Variants in MAGEE1 observed in about 807,000 individuals in gnomAD.
MAGEE1 encodes the protein MAGE family member E1.
MAGEE1 carries 3 observed loss-of-function variants against 12.0 expected under a neutral mutation model. That is an observed-to-expected ratio of 0.25 (90% CI 0.11 to 0.65). The LOEUF (loss-of-function observed/expected upper bound fraction) is 0.65. Ranked by LOEUF, MAGEE1 falls within the 30% of genes least tolerant of loss-of-function variation. MAGEE1 has a pLI of 0.84. For synonymous variants in MAGEE1, 414 were observed against 326.1 expected, an observed-to-expected ratio of 1.27 and a Z score of -2.91; for missense variants, 729 against 772.2, an observed-to-expected ratio of 0.94 and a Z score of 0.66.
rs781947690 is a variant in MAGEE1 at position 76,427,883 on chromosome X, G to A, written c.-48G>A. The stretch of plus-strand genomic sequence containing the variant: ...CCTCCCGTCCTCTCTGCCAGATCGC[G>A]GGCCTGTCGGTGTCTGCTCCTACAC... On this transcript the variant is annotated 5_prime_UTR_variant, in exon 1 of 1. Transcript: ENST00000361470. The A allele has an allele frequency of 2.6e-6, 3 of 1,142,357 alleles. No homozygotes were observed. The highest frequency in any genetic ancestry group is 5.3e-5 in the Admixed American group (2 of 37,659). 94.1% of individuals were successfully genotyped at this position (1,142,357 alleles called of 1,213,427 possible).
In MAGEE1 at chrX:76,428,095, C is replaced by T; in HGVS notation, c.165C>T (p.Leu55=). Residue 55 remains leucine (L), a synonymous_variant, in exon 1 of 1, where the codon CTC becomes CTT. Transcript: ENST00000361470. ...AGGGTCCCAGCGATTCCCAGATCCT[C>T]CAGGGCCTCTGCGCCTCTGAGGGCC... The part of the protein sequence containing the change: ...VPQGPSDSQI[L]QGLCASEGPS... 5.9e-6 allele frequency: 7 copies of T among 1,183,502 alleles called. No individual in the cohort carries two copies. The highest frequency in any genetic ancestry group is 7.9e-6 in the Non-Finnish European group (7 of 881,247).
In MAGEE1 at chrX:76,428,585, G is replaced by A. The variant is rs1266314485; in HGVS notation, c.655G>A (p.Gly219Ser). Residue 219 changes from glycine (G) to serine (S), a missense_variant, in exon 1 of 1, where the codon GGC becomes AGC. By Grantham distance (56) the Gly-to-Ser change is moderately conservative. Around this residue, in one of 4 missense-constraint regions of MAGEE1, gnomAD observed 473 missense variants for 423.7 expected, o/e 1.12. Transcript: ENST00000361470. ...GTSVPLAATE[G>S]LSTSVQATPD... Reference sequence around the variant, plus strand: ...CTCCGTGCCGCTCGCCGCCACTGAGGGCCTGAGCACCTCCGTGCAGGCCAC... The same window carrying A: ...CTCCGTGCCGCTCGCCGCCACTGAGAGCCTGAGCACCTCCGTGCAGGCCAC... 8.3e-7 allele frequency: 1 copy of A among 1,209,320 alleles called. No homozygotes were observed. The highest frequency in any genetic ancestry group is 1.7e-5 in the African/African-American group (1 of 57,494).
In MAGEE1 at chrX:76,428,033, G is replaced by C; in HGVS notation, c.103G>C (p.Gly35Arg). ...CGAAATGCAGGCCCCTAATGCCCCCGGTCTCCCCGCTGATGTGCCAGGCTC... is the reference window on the plus strand; with the variant it reads ...CGAAATGCAGGCCCCTAATGCCCCCCGTCTCCCCGCTGATGTGCCAGGCTC... ...WGEMQAPNAPGLPADVPGSDV... is the reference protein window; with the variant it reads ...WGEMQAPNAPRLPADVPGSDV... Residue 35 changes from glycine (G) to arginine (R), a missense_variant, in exon 1 of 1, where the codon GGT becomes CGT. Around this residue, in one of 4 missense-constraint regions of MAGEE1, gnomAD observed 473 missense variants for 423.7 expected, o/e 1.12. Transcript: ENST00000361470. 2 of 1,188,064 alleles carry C rather than the reference G, an allele frequency of 1.7e-6. No homozygotes were observed. Among genetic ancestry groups the C allele is most frequent in the Non-Finnish European group, 2.3e-6 (2 of 883,593 alleles).
At position 76,429,971 on chromosome X, in the gene MAGEE1, A is replaced by C. The variant is rs782249386; in HGVS notation, c.2041A>C (p.Met681Leu). 10 of 1,210,965 alleles carry C rather than the reference A, an allele frequency of 8.3e-6. No individual in the cohort carries two copies. Among genetic ancestry groups the C allele is most frequent in the Non-Finnish European group, 1.0e-5 (9 of 895,231 alleles). Residue 681 changes from methionine to leucine, a missense_variant, in exon 1 of 1, where the codon ATG becomes CTG. Met to Leu is a conservative substitution (Grantham distance 15, BLOSUM62 2). Coordinates refer to ENST00000361470, the MANE Select transcript of MAGEE1 (RefSeq NM_020932.3). ...GGCGAAAATATATAACAAAGATCCT[A>C]TGGATTGGCCAGAGAAATACAACGA... ...FMAKIYNKDP[M>L]DWPEKYNEAL...
At position 76,429,067 on chromosome X, in the gene MAGEE1, C is replaced by G. The variant is rs782440229; in HGVS notation, c.1137C>G (p.Ser379=). 8.3e-7 allele frequency: 1 copy of G among 1,211,898 alleles called. No individual in the cohort carries two copies. Among genetic ancestry groups the G allele is most frequent in the Admixed American group, 2.2e-5 (1 of 46,142 alleles). ...CCGCCTCTGATGGATCGGACACCTC[C>G]GTGCCGCCCACTCCTGGTGAGGGCG... is the stretch of plus-strand genomic sequence containing the variant. The part of the protein sequence containing the change: ...PPTASDGSDT[S]VPPTPGEGAS... The change falls in exon 1 of 1, where the codon TCC becomes TCG. Residue 379 remains serine, a synonymous_variant. Coordinates refer to ENST00000361470, the MANE Select transcript of MAGEE1 (RefSeq NM_020932.3).
In MAGEE1 at chrX:76,429,980, C is replaced by A; in HGVS notation, c.2050C>A (p.Pro684Thr). 8.3e-7 allele frequency: 1 copy of A among 1,210,445 alleles called. No individual in the cohort carries two copies. Among genetic ancestry groups the A allele is most frequent in the Non-Finnish European group, 1.1e-6 (1 of 894,967 alleles). The change falls in exon 1 of 1, where the codon CCA becomes ACA. Residue 684 changes from proline to threonine, a missense_variant. Physicochemically the swap from Pro to Thr is conservative, Grantham distance 38. Around this residue, in one of 4 missense-constraint regions of MAGEE1, gnomAD observed 64 missense variants for 53.4 expected, o/e 1.20. Transcript: ENST00000361470. ...KIYNKDPMDW[P>T]EKYNEALEED... The stretch of plus-strand genomic sequence containing the variant: ...ATATAACAAAGATCCTATGGATTGG[C>A]CAGAGAAATACAACGAAGCTCTGGA...
chrX:76,430,483 T>C lies in MAGEE1; in HGVS notation c.2553T>C (p.His851=), dbSNP rs782365471. 10 of 1,206,871 alleles carry C rather than the reference T, an allele frequency of 8.3e-6. No individual in the cohort carries two copies. Among genetic ancestry groups the C allele is most frequent in the African/African-American group, 1.7e-5 (1 of 57,157 alleles). The change falls in exon 1 of 1, where the codon CAT becomes CAC. Residue 851 remains histidine (H), a synonymous_variant. Coordinates refer to ENST00000361470, the MANE Select transcript of MAGEE1 (RefSeq NM_020932.3). ...GCTTCATCTTTATTATGGGCAACCA[T>C]GCCAGGGAGTCTGCAGTCTGGGCCT... ...VLSFIFIMGN[H]ARESAVWAFL...
In MAGEE1 at chrX:76,429,187, T is replaced by G. The variant is rs782390248; in HGVS notation, c.1257T>G (p.Ser419Arg). The part of the protein sequence containing the change: ...GEGPSTLFSS[S>R]ASVDRNPSKC... Reference sequence around the variant, plus strand: ...GCCCGAGCACATTGTTTAGCTCTAGTGCTTCTGTGGACCGGAACCCCTCCA... The same window carrying G: ...GCCCGAGCACATTGTTTAGCTCTAGGGCTTCTGTGGACCGGAACCCCTCCA... Residue 419 changes from serine (S) to arginine (R), a missense_variant, in exon 1 of 1, where the codon AGT (serine) becomes AGG (arginine). Transcript: ENST00000361470. The G allele has an allele frequency of 4.8e-5, 58 of 1,211,076 alleles. No individual in the cohort carries two copies. In the Admixed American group the frequency reaches 1.3e-3, roughly 26 times the overall value.
In MAGEE1 at chrX:76,429,649, A is replaced by G; in HGVS notation, c.1719A>G (p.Glu573=). The change falls in exon 1 of 1, where the codon GAA becomes GAG. Residue 573 remains glutamate, a synonymous_variant. Transcript: ENST00000361470. ...KLGPVPFEGL[E]ESPNGPKMGL... is the part of the protein sequence containing the mutation. ...GACCTGTGCCCTTTGAAGGGTTAGA[A>G]GAGAGCCCAAATGGGCCAAAGATGG... 8.3e-7 allele frequency: 1 copy of G among 1,210,468 alleles called. No individual in the cohort carries two copies. Among genetic ancestry groups the G allele is most frequent in the Non-Finnish European group, 1.1e-6 (1 of 894,943 alleles).
Position 76,429,578 on chromosome X carries a change from G to A in MAGEE1, c.1648G>A (p.Glu550Lys). ...GTGCATTTTTAGGTTTGAATTGAGAGAACTTGACCCTGAGGCACACACCTA... is the reference window on the plus strand; with the variant it reads ...GTGCATTTTTAGGTTTGAATTGAGAAAACTTGACCCTGAGGCACACACCTA... ...LECIFRFELR[E>K]LDPEAHTYIL... Residue 550 changes from glutamate (E) to lysine (K), a missense_variant, in exon 1 of 1, where the codon GAA (glutamate) becomes AAA (lysine). Coordinates refer to ENST00000361470, the MANE Select transcript of MAGEE1 (RefSeq NM_020932.3). 1 of 1,211,436 alleles carries A rather than the reference G, an allele frequency of 8.3e-7. No individual in the cohort carries two copies. Among genetic ancestry groups the A allele is most frequent in the Non-Finnish European group, 1.1e-6 (1 of 895,413 alleles).
rs782444754 is a variant in MAGEE1 at position 76,429,256 on chromosome X, C to T, written c.1326C>T (p.Ser442=). 2 of 1,211,633 alleles carry T rather than the reference C, an allele frequency of 1.7e-6. No individual in the cohort carries two copies. Among genetic ancestry groups the T allele is most frequent in the South Asian group, 1.8e-5 (1 of 56,883 alleles). ...VLPSPRVTKA[S]VDSDSEGPKG... ...CAAGCCCTAGGGTAACCAAGGCCTCCGTGGACTCAGATTCTGAGGGTCCTA... is the reference window on the plus strand; with the variant it reads ...CAAGCCCTAGGGTAACCAAGGCCTCTGTGGACTCAGATTCTGAGGGTCCTA... The change falls in exon 1 of 1, where the codon TCC becomes TCT. Residue 442 remains serine, a synonymous_variant. Transcript: ENST00000361470.
Position 76,430,087 on chromosome X carries a change from A to G in MAGEE1, c.2157A>G (p.Ala719=). The G allele has an allele frequency of 8.3e-7, 1 of 1,211,636 alleles. No individual in the cohort carries two copies. Among genetic ancestry groups the G allele is most frequent in the Non-Finnish European group, 1.1e-6 (1 of 895,401 alleles). Residue 719 remains alanine (A), a synonymous_variant, in exon 1 of 1, where the codon GCA becomes GCG. Coordinates refer to ENST00000361470, the MANE Select transcript of MAGEE1 (RefSeq NM_020932.3). The part of the protein sequence containing the change: ...FRRPFFEEAA[A]EVPSPDSEVS... ...GGCCCTTTTTTGAGGAAGCTGCTGCAGAGGTACCATCCCCTGATTCAGAGG... is the reference window on the plus strand; with the variant it reads ...GGCCCTTTTTTGAGGAAGCTGCTGCGGAGGTACCATCCCCTGATTCAGAGG...
chrX:76,430,696 C>T lies in MAGEE1; in HGVS notation c.2766C>T (p.His922=). ...CCTTGCGATATGTGGCCAGAATCCA[C>T]AGAAAGGAACCACAGGACTGGCCAC... ...MKALRYVARI[H]RKEPQDWPQQ... The change falls in exon 1 of 1, where the codon CAC becomes CAT. Residue 922 remains histidine, a synonymous_variant. Coordinates refer to ENST00000361470, the MANE Select transcript of MAGEE1 (RefSeq NM_020932.3). The T allele has an allele frequency of 8.3e-7, 1 of 1,211,319 alleles. No homozygotes were observed. The highest frequency in any genetic ancestry group is 1.1e-6 in the Non-Finnish European group (1 of 895,402).
chrX:76,430,766 G>T lies in MAGEE1; in HGVS notation c.2836G>T (p.Val946Phe). Reference sequence around the variant, plus strand: ...GGAAGATGAGGCCAATAGAGCTGATGTTGGGCACAGGCAAATCTTTGTTCA... The same window carrying T: ...GGAAGATGAGGCCAATAGAGCTGATTTTGGGCACAGGCAAATCTTTGTTCA... ...AMEDEANRAD[V>F]GHRQIFVHNF... Residue 946 changes from valine (V) to phenylalanine (F), a missense_variant, in exon 1 of 1, where the codon GTT becomes TTT. Val to Phe is a conservative substitution (Grantham distance 50). This residue lies in a region of MAGEE1 where 101 missense variants were observed against 161.3 expected (regional missense o/e 0.63). Coordinates refer to ENST00000361470, the MANE Select transcript of MAGEE1 (RefSeq NM_020932.3). 8.4e-7 allele frequency: 1 copy of T among 1,197,555 alleles called. No individual in the cohort carries two copies. The highest frequency in any genetic ancestry group is 1.1e-6 in the Non-Finnish European group (1 of 887,006).
rs782127481 is a variant in MAGEE1 at position 76,428,814 on chromosome X, C to T, written c.884C>T (p.Ser295Phe). 8 of 1,209,834 alleles carry T rather than the reference C, an allele frequency of 6.6e-6. No individual in the cohort carries two copies. The South Asian group carries it at 1.4e-4, about 21-fold the overall frequency. The part of the protein sequence containing the change: ...VPTRGKGSST[S>F]VPPTATEGLS... ...ACCCGCGGTAAGGGATCAAGCACCTCCGTGCCCCCCACCGCCACCGAGGGC... is the reference window on the plus strand; with the variant it reads ...ACCCGCGGTAAGGGATCAAGCACCTTCGTGCCCCCCACCGCCACCGAGGGC... The change falls in exon 1 of 1, where the codon TCC (serine) becomes TTC (phenylalanine). Residue 295 changes from serine to phenylalanine, a missense_variant. Coordinates refer to ENST00000361470, the MANE Select transcript of MAGEE1 (RefSeq NM_020932.3).
In MAGEE1 at chrX:76,429,446, G is replaced by T. The variant is rs1248028292; in HGVS notation, c.1516G>T (p.Asp506Tyr). Residue 506 changes from aspartate (D) to tyrosine (Y), a missense_variant, in exon 1 of 1, where the codon GAT (aspartate) becomes TAT (tyrosine). Around this residue, in one of 4 missense-constraint regions of MAGEE1, gnomAD observed 91 missense variants for 133.8 expected, o/e 0.68. Transcript: ENST00000361470. ...GCTGTTGCAGTTCCTGCTGGTGAAG[G>T]ATCAGAGCAAGTACCCTATCCGGGA... is the stretch of plus-strand genomic sequence containing the variant. ...AELLQFLLVK[D>Y]QSKYPIRESE... 1 of 1,210,082 alleles carries T rather than the reference G, an allele frequency of 8.3e-7. No homozygotes were observed. Among genetic ancestry groups the T allele is most frequent in the Non-Finnish European group, 1.1e-6 (1 of 895,346 alleles).
Position 76,429,199 on chromosome X carries a change from C to G in MAGEE1, c.1269C>G (p.Asp423Glu). 8.3e-7 allele frequency: 1 copy of G among 1,212,089 alleles called. No homozygotes were observed. Among genetic ancestry groups the G allele is most frequent in the Non-Finnish European group, 1.1e-6 (1 of 895,575 alleles). Residue 423 changes from aspartate to glutamate, a missense_variant, in exon 1 of 1, where the codon GAC becomes GAG. Physicochemically the swap from Asp to Glu is conservative, Grantham distance 45 (BLOSUM62 2). This residue lies in a region of MAGEE1 where 473 missense variants were observed against 423.7 expected (regional missense o/e 1.12). Transcript: ENST00000361470. ...STLFSSSASV[D>E]RNPSKCSLVL... ...TGTTTAGCTCTAGTGCTTCTGTGGA[C>G]CGGAACCCCTCCAAGTGTTCCCTTG...
chrX:76,428,648 G>T lies in MAGEE1; in HGVS notation c.718G>T (p.Ala240Ser). Residue 240 changes from alanine (A) to serine (S), a missense_variant, in exon 1 of 1, where the codon GCC becomes TCC. Transcript: ENST00000361470. ...ACCGAGCACCTCCGTGCCGCCCACC[G>T]CCACTGAGGGCCTAAGCACCCCCGT... is the stretch of plus-strand genomic sequence containing the variant. ...EGPSTSVPPT[A>S]TEGLSTPVPP... 8.4e-7 allele frequency: 1 copy of T among 1,189,485 alleles called. No individual in the cohort carries two copies. Among genetic ancestry groups the T allele is most frequent in the South Asian group, 1.8e-5 (1 of 55,770 alleles).
rs1283217578 is a variant in MAGEE1 at position 76,430,875 on chromosome X, G to A, written c.*71G>A. 2 of 609,708 alleles carry A rather than the reference G, an allele frequency of 3.3e-6. No homozygotes were observed. Among genetic ancestry groups the A allele is most frequent in the Non-Finnish European group, 4.9e-6 (2 of 410,502 alleles). The allele number at this position is 609,708 out of a possible 1,213,427, so 50.2% of individuals were successfully genotyped here. On this transcript the variant is annotated 3_prime_UTR_variant, in exon 1 of 1. Coordinates refer to ENST00000361470, the MANE Select transcript of MAGEE1 (RefSeq NM_020932.3). ...AGCCTCAGTTCTCATGTATTGGGGG[G>A]TGGGGGTGGGTACATATTGTATTTG...
Sources: allele counts gnomAD v4.1 joint callset, GRCh38; gene constraint gnomAD v4.1.1; regional missense constraint gnomAD v4.1.1; transcripts MANE v1.5; gene names NCBI Gene and HGNC (gene_info 2026-07-23, HGNC 2026-07-21).